The following KCNH5 variants were observed in gnomAD, a reference collection of about 807,000 sequenced individuals.
KCNH5 encodes voltage-gated delayed rectifier potassium channel KCNH5.
In KCNH5, 46 loss-of-function variants were observed where a neutral mutation model predicts 96.1. That is an observed-to-expected ratio of 0.48 (90% CI 0.38 to 0.61). The LOEUF is 0.61. KCNH5 is among the 20% of genes least tolerant of loss of function. KCNH5 has a pLI of 0.00. For synonymous variants in KCNH5, 439 were observed against 449.8 expected, an observed-to-expected ratio of 0.98 and a Z score of 0.30; for missense variants, 907 against 1,225.8, an observed-to-expected ratio of 0.74 and a Z score of 3.88.
intron 1 of KCNH5, among the ~76,000 whole-genome samples, chr14:63,031,174 C>T (rs1038029813): frequency 6.6e-6 from 1 of 151,942 alleles, no homozygotes; most frequent in African/African-American, 2.4e-5. Context: ...CCAGGCCTCC[C>T]TGTCTAAGAC....
chr14:63,045,247 A>C lies in KCNH5; in HGVS notation c.-61T>G. ...GGGGGAGGGGGGGATGCAGGCAAAG[A>C]AGGTGGAGGAAGAGGAGGAAAAGGT... On this transcript the variant is annotated 5_prime_UTR_variant, in exon 1 of 11. Coordinates refer to ENST00000322893, the MANE Select transcript of KCNH5 (RefSeq NM_139318.5). 1.6e-6 allele frequency: 2 copies of C among 1,271,272 alleles called. No individual in the cohort carries two copies. The highest frequency in any genetic ancestry group is 2.3e-6 in the Non-Finnish European group (2 of 875,564). 78.7% of individuals were successfully genotyped at this position (1,271,272 alleles called of 1,614,324 possible). A position where few individuals can be genotyped will look rare whatever the true frequency, so the allele number is the denominator to read the frequency against.
At chr14:62,813,134 C>T (rs1444003266) in intron 8 of KCNH5, among the ~76,000 whole-genome samples, 1 of 152,068 alleles carries the variant, frequency 6.6e-6, no homozygotes, top group Non-Finnish European at 1.5e-5. Context: ...CAAACTGCAT[C>T]CTAGAAAAGG....
At chr14:62,795,415 T>C (rs1162281658) in intron 9 of KCNH5, among the ~76,000 whole-genome samples, 2 of 152,180 alleles carry the variant, frequency 1.3e-5, no homozygotes, top group East Asian at 3.8e-4. Context: ...TGTGTACAGA[T>C]ATTTTTTCTT....
intron 6 of KCNH5, among the ~76,000 whole-genome samples, chr14:62,959,573 T>C (rs573699595): frequency 6.6e-6 from 1 of 152,200 alleles, no homozygotes; most frequent in South Asian, 2.1e-4. Flanking sequence ...AAGTCAAATT[T>C]ATTTATATAA....
chr14:63,006,481 GAA>G lies in KCNH5; in HGVS notation c.198-11_198-10del. 6.8e-7 allele frequency: 1 copy of G among 1,466,308 alleles called. No individual in the cohort carries two copies. Among genetic ancestry groups the G allele is most frequent in the Non-Finnish European group, 9.5e-7 (1 of 1,054,980 alleles). The allele number at this position is 1,466,308 out of a possible 1,614,324, so 90.8% of individuals were successfully genotyped here. A position where few individuals can be genotyped will look rare whatever the true frequency, so the allele number is the denominator to read the frequency against. ...ATTCCCCATACATAAAACTGGGGGG[GAA>G]AAAAAACAAACAATCGATTTCACTT... On this transcript the variant is annotated splice_polypyrimidine_tract_variant and intron_variant, in intron 2 of 10. Transcript: ENST00000322893.
intron 7 of KCNH5, among the ~76,000 whole-genome samples, chr14:62,852,243 C>G (rs778654608): frequency 2.0e-5 from 3 of 152,120 alleles, no homozygotes; most frequent in Non-Finnish European, 2.9e-5. Flanking sequence ...TATTATTACC[C>G]ATAGTTGCCC....
At chr14:62,981,409 T>C (rs1365433248) in intron 5 of KCNH5, 145 bp from the exon 6 acceptor site, 3 of 727,616 alleles carry the variant, frequency 4.1e-6, no homozygotes, top group Non-Finnish European at 6.7e-6. Context: ...TAAAATTTGT[T>C]CAGAGGAAGT....
chr14:62,863,204 T>A (rs761354337), intron 7 of KCNH5, among the ~76,000 whole-genome samples: 9 of 152,176 alleles, frequency 5.9e-5, no homozygotes, highest in Non-Finnish European at 8.8e-5. Context: ...ATTGACAGCA[T>A]AGTTCTGGAC....
At chr14:62,764,060 G>A (rs1885810336) in intron 10 of KCNH5, among the ~76,000 whole-genome samples, 3 of 152,112 alleles carry the variant, frequency 2.0e-5, no homozygotes, top group Admixed American at 1.3e-4. Flanking sequence ...AAACCTGGCA[G>A]AAACAGTACA....
chr14:63,013,643 T>A (rs954591814), intron 2 of KCNH5, among the ~76,000 whole-genome samples: 1 of 152,044 alleles, frequency 6.6e-6, no homozygotes, highest in Non-Finnish European at 1.5e-5. Context: ...ATTCAAGAAA[T>A]GGGAAAAAAG....
chr14:62,708,118 G>A lies in KCNH5; in HGVS notation c.2357C>T (p.Pro786Leu). The A allele has an allele frequency of 6.2e-7, 1 of 1,614,220 alleles. No homozygotes were observed. Among genetic ancestry groups the A allele is most frequent in the Non-Finnish European group, 8.5e-7 (1 of 1,180,040 alleles). The stretch of plus-strand genomic sequence containing the variant: ...ACATTTTTGGTCAGCACCGCCGTTG[G>A]GCTTGAGTTCCATGGCATCACGGTT... ...QNNRDAMELK[P>L]NGGADQKCLK... Residue 786 changes from proline to leucine, a missense_variant, in exon 11 of 11, where the codon CCC becomes CTC. Around this residue, in one of 6 missense-constraint regions of KCNH5, gnomAD observed 362 missense variants for 394.4 expected, o/e 0.92. Coordinates refer to ENST00000322893, the MANE Select transcript of KCNH5 (RefSeq NM_139318.5).
chr14:62,723,974 G>T (rs890563886), intron 10 of KCNH5, among the ~76,000 whole-genome samples: 1 of 152,100 alleles, frequency 6.6e-6, no homozygotes, highest in African/African-American at 2.4e-5. Context: ...TTCCATAGAA[G>T]AAAATCAGAC....
intron 9 of KCNH5, among the ~76,000 whole-genome samples, chr14:62,786,407 T>C (rs1042900991): frequency 3.9e-5 from 6 of 152,164 alleles, no homozygotes; most frequent in African/African-American, 7.2e-5. Context: ...AGTTTTATTG[T>C]ATATACTTGA....
intron 7 of KCNH5, among the ~76,000 whole-genome samples, chr14:62,884,522 A>G (rs1888557416): frequency 6.6e-6 from 1 of 152,176 alleles, no homozygotes. Context: ...GCAACTTGAG[A>G]GGCTGAGGCA....
chr14:62,980,421 G>C (rs1195977881), intron 6 of KCNH5, among the ~76,000 whole-genome samples: 1 of 152,184 alleles, frequency 6.6e-6, no homozygotes, highest in Non-Finnish European at 1.5e-5. Context: ...GGAGTCAAAA[G>C]ATCTGTGAAT....
rs1395709762 is a variant in KCNH5 at position 63,037,005 on chromosome 14, G to A, written c.73+8109C>T. On this transcript the variant is annotated intron_variant, in intron 1 of 10. Transcript: ENST00000322893. ...CGGAAATTAGTTGAAAAGAGGTGCA[G>A]AAGGAAATGGTGACTAAGAATTAAA... is the stretch of plus-strand genomic sequence containing the variant. Among the ~76,000 whole-genome samples, 4 of 152,190 alleles carry A rather than the reference G, an allele frequency of 2.6e-5. 1 individual carries two copies. Among genetic ancestry groups the A allele is most frequent in the Non-Finnish European group, 4.4e-5 (3 of 68,036 alleles).
intron 7 of KCNH5, among the ~76,000 whole-genome samples, chr14:62,935,482 G>C (rs975498426): frequency 6.6e-6 from 1 of 152,170 alleles, no homozygotes; most frequent in East Asian, 1.9e-4. Flanking sequence ...AGACAGACTG[G>C]AGGAAAAAGG....
At chr14:62,781,929 A>G (rs998609804) in intron 9 of KCNH5, among the ~76,000 whole-genome samples, 5 of 152,242 alleles carry the variant, frequency 3.3e-5, no homozygotes, top group African/African-American at 1.2e-4. Context: ...ATAAGTGTCC[A>G]TGAAATCTTT....
At chr14:62,815,350 C>G (rs1320292066) in intron 8 of KCNH5, among the ~76,000 whole-genome samples, 2 of 152,100 alleles carry the variant, frequency 1.3e-5, no homozygotes, top group African/African-American at 2.4e-5. Context: ...GTTTTAATAT[C>G]CTGGCTACAC....
Sources: allele counts gnomAD v4.1 joint callset (sites outside exome capture counted in the v4.1 genomes callset), GRCh38; gene constraint gnomAD v4.1.1; regional missense constraint gnomAD v4.1.1; transcripts MANE v1.5; gene names NCBI Gene and HGNC (gene_info 2026-07-23, HGNC 2026-07-21).